PRICKLE2: variants seen among roughly 807,000 people sequenced by gnomAD.
The protein encoded by PRICKLE2 is prickle planar cell polarity protein 2.
Under a neutral mutation model 81.4 loss-of-function variants are expected in PRICKLE2, and 21 were observed. The ratio of observed to expected loss-of-function variants is 0.26; its 90% CI spans 0.18 to 0.37. The LOEUF is 0.37. Among genes scored for constraint, PRICKLE2 ranks in the 10% least tolerant of loss-of-function variants. PRICKLE2 has a pLI of 1.00. For synonymous variants in PRICKLE2, 456 were observed against 421.5 expected (o/e 1.08, Z -1.00); for missense variants, 940 against 1,109.0 (o/e 0.85, Z 2.16).
chr3:64,145,608 T>C (rs1357462146), intron 7 of PRICKLE2: 1 of 151,800 alleles, frequency 6.6e-6, no homozygotes, highest in Admixed American at 6.6e-5. Context: ...CTCTCTCTAC[T>C]TCTGTTCTTT....
intron 7 of PRICKLE2, among the ~76,000 whole-genome samples, chr3:64,126,168 C>T (rs997998552): frequency 4.6e-5 from 7 of 152,212 alleles, no homozygotes; most frequent in Admixed American, 3.3e-4. Flanking sequence ...CCTTTACCAT[C>T]TTGGCCTATC....
At chr3:64,170,828 A>T (rs919918861) in intron 2 of PRICKLE2, among the ~76,000 whole-genome samples, 5 of 152,000 alleles carry the variant, frequency 3.3e-5, no homozygotes, top group African/African-American at 1.2e-4. Context: ...TGAGTGGCGA[A>T]TGCGCCACTG....
At chr3:64,237,546 A>T (rs1395965062) in intron 2 of PRICKLE2, among the ~76,000 whole-genome samples, 1 of 151,440 alleles carries the variant, frequency 6.6e-6, no homozygotes, top group Non-Finnish European at 1.5e-5. Flanking sequence ...CCACTCTGCC[A>T]CTCCACCTCT....
intron 2 of PRICKLE2, among the ~76,000 whole-genome samples, chr3:64,247,926 T>C (rs907127535): frequency 1.3e-5 from 2 of 152,192 alleles, no homozygotes; most frequent in Non-Finnish European, 2.9e-5. Flanking sequence ...TGCCAGCTTG[T>C]TACCAACTAA....
chr3:64,100,691 T>C (rs1182447725), intron 7 of PRICKLE2: 1 of 152,184 alleles, frequency 6.6e-6, no homozygotes, highest in South Asian at 2.1e-4. Context: ...GCCCCAGCAA[T>C]GGACCTCCAT....
chr3:64,183,734 C>T (rs2078173976), intron 2 of PRICKLE2, among the ~76,000 whole-genome samples: 1 of 152,134 alleles, frequency 6.6e-6, no homozygotes, highest in East Asian at 1.9e-4. Context: ...GAAAATATTT[C>T]ACATCTTTAC....
intron 5 of PRICKLE2, chr3:64,154,658 T>G (rs2107029283): frequency 6.6e-6 from 1 of 152,268 alleles, no homozygotes; most frequent in African/African-American, 2.4e-5. Flanking sequence ...TAGGCAATGG[T>G]TTCTTAGATA....
chr3:64,132,858 C>T (rs1575574185), intron 7 of PRICKLE2, among the ~76,000 whole-genome samples: 1 of 152,140 alleles, frequency 6.6e-6, no homozygotes, highest in Admixed American at 6.5e-5. Context: ...GCACCTTACA[C>T]AGTTTCTTTA....
At chr3:64,166,169 T>G (rs1159674972) in intron 2 of PRICKLE2, among the ~76,000 whole-genome samples, 2 of 152,186 alleles carry the variant, frequency 1.3e-5, no homozygotes, top group Non-Finnish European at 2.9e-5. Flanking sequence ...CCTGCAGATC[T>G]GCTTCTCACC....
chr3:64,233,724 G>A (rs1378759288), intron 2 of PRICKLE2, among the ~76,000 whole-genome samples: 3 of 151,990 alleles, frequency 2.0e-5, no homozygotes, highest in South Asian at 2.1e-4. Context: ...ATACTATACA[G>A]CTCACCCATT....
At chr3:64,235,936 T>C (rs924134559) in intron 2 of PRICKLE2, among the ~76,000 whole-genome samples, 2 of 151,908 alleles carry the variant, frequency 1.3e-5, no homozygotes, top group East Asian at 1.9e-4. Context: ...TGTGTGTGTG[T>C]AGTTGGGGGA....
chr3:64,141,618 C>A (rs566331506), intron 7 of PRICKLE2, among the ~76,000 whole-genome samples: 17 of 152,340 alleles, frequency 1.1e-4, no homozygotes, highest in South Asian at 8.3e-4. Context: ...CAGCCTGAGT[C>A]ACTCCGTGTA....
rs1260829667 is a variant in PRICKLE2, at chr3:64,147,740, G to T, written c.788-38C>A. ...GAGACATTGGAGAGGCTGATGAGCT[G>T]CTCAGAGCTCTGCACTGGGACGTGA... is the stretch of plus-strand genomic sequence containing the variant. On this transcript the variant is annotated intron_variant, in intron 6 of 7. Coordinates refer to ENST00000638394, the MANE Select transcript of PRICKLE2 (RefSeq NM_198859.4). This position sits in a 1 kb window ranked among gnomAD's most constrained non-coding sequence, Gnocchi z 5.0. 6.2e-7 allele frequency: 1 copy of T among 1,610,722 alleles called. No individual in the cohort carries two copies. Among genetic ancestry groups the T allele is most frequent in the South Asian group, 1.1e-5 (1 of 90,924 alleles).
intron 2 of PRICKLE2, among the ~76,000 whole-genome samples, chr3:64,178,962 ATTTTCTTTCTTTCTTT>A (rs2107076185): frequency 7.1e-6 from 1 of 140,252 alleles, no homozygotes; most frequent in East Asian, 2.2e-4. Context: ...TAACATACAT[ATTTTCTTTCTTTCTTT>A]CTTTCTTTCT....
At chr3:64,226,367 C>A (rs980173403), upstream of PRICKLE2, among the ~76,000 whole-genome samples, 1 of 152,106 alleles carries the variant, frequency 6.6e-6, no homozygotes, top group Non-Finnish European at 1.5e-5. Context: ...TTTGGAGAGC[C>A]CTGTGTTCAA....
At chr3:64,226,077 A>C (rs1402767107), upstream of PRICKLE2, among the ~76,000 whole-genome samples, 1 of 152,126 alleles carries the variant, frequency 6.6e-6, no homozygotes, top group African/African-American at 2.4e-5. Flanking sequence ...AACTGCATGC[A>C]GAAGAAGACA....
intron 2 of PRICKLE2, among the ~76,000 whole-genome samples, chr3:64,177,475 T>C (rs1234553572): frequency 1.3e-5 from 2 of 152,106 alleles, no homozygotes; most frequent in African/African-American, 4.8e-5. Context: ...TGGCACTGGG[T>C]ACATTCACAA....
intron 2 of PRICKLE2, among the ~76,000 whole-genome samples, chr3:64,183,797 A>C (rs964679954): frequency 2.0e-5 from 3 of 152,214 alleles, no homozygotes; most frequent in Non-Finnish European, 4.4e-5. Context: ...GGTCAAGGCC[A>C]CTTGATCACT....
At chr3:64,114,096 G>A (rs1269857705) in intron 7 of PRICKLE2, among the ~76,000 whole-genome samples, 1 of 152,072 alleles carries the variant, frequency 6.6e-6, no homozygotes, top group African/African-American at 2.4e-5. Context: ...CTAGCAGTTG[G>A]GAGCTGGGTG....
Sources: allele counts gnomAD v4.1 joint callset (sites outside exome capture counted in the v4.1 genomes callset), GRCh38; gene constraint gnomAD v4.1.1; non-coding constraint Gnocchi (gnomAD v3.1); transcripts MANE v1.5; gene names NCBI Gene and HGNC (gene_info 2026-07-23, HGNC 2026-07-21).